Variants in LRRC49 observed in about 807,000 individuals in gnomAD.
LRRC49 encodes leucine rich repeat containing 49.
LRRC49 carries 50 observed loss-of-function variants against 83.3 expected under a neutral mutation model. The ratio of observed to expected loss-of-function variants is 0.60; its 90% CI spans 0.48 to 0.76. The LOEUF (loss-of-function observed/expected upper bound fraction) is 0.76. LRRC49 is among the 30% of genes least tolerant of loss of function. The pLI is 0.00. For synonymous variants in LRRC49, 286 were observed against 283.3 expected, an observed-to-expected ratio of 1.01 and a Z score of -0.10; for missense variants, 704 against 809.1, an observed-to-expected ratio of 0.87 and a Z score of 1.58.
chr15:71,038,896 A>G (rs1307241531), intron 15 of LRRC49, among the ~76,000 whole-genome samples: 1 of 152,182 alleles, frequency 6.6e-6, no homozygotes, highest in East Asian at 1.9e-4. Context: ...GTCATACACA[A>G]CACACTGTGT....
chr15:70,963,197 G>A (rs1005976569), intron 8 of LRRC49, among the ~76,000 whole-genome samples: 1 of 148,594 alleles, frequency 6.7e-6, no homozygotes, highest in Non-Finnish European at 1.5e-5. Context: ...GATTGCTCGA[G>A]CCCAAGAGTT....
chr15:70,985,499 G>C (rs935585337), intron 11 of LRRC49, among the ~76,000 whole-genome samples: 13 of 152,064 alleles, frequency 8.5e-5, no homozygotes, highest in African/African-American at 2.9e-4. Context: ...TTGTAAATGT[G>C]TTTGAGTTCA....
chr15:70,946,427 C>T (rs1479187734), intron 8 of LRRC49, among the ~76,000 whole-genome samples: 1 of 152,106 alleles, frequency 6.6e-6, no homozygotes, highest in African/African-American at 2.4e-5. Context: ...GGATTTACTT[C>T]TGTTTGAGGC....
chr15:70,964,004 T>G, intron 9 of LRRC49, 72 bp downstream of exon 9: 1 of 1,444,320 alleles, frequency 6.9e-7, no homozygotes, highest in Non-Finnish European at 9.4e-7. Context: ...ATGCATATTC[T>G]TTGCTTGAAA....
intron 15 of LRRC49, among the ~76,000 whole-genome samples, chr15:71,043,466 G>A (rs1415693305): frequency 6.6e-6 from 1 of 152,172 alleles, no homozygotes; most frequent in Non-Finnish European, 1.5e-5. Context: ...GAAAGCATTT[G>A]GGAATGGAAA....
intron 8 of LRRC49, among the ~76,000 whole-genome samples, chr15:70,946,484 A>G (rs73447511): frequency 0.012 from 1,792 of 152,148 alleles, 44 homozygotes; most frequent in African/African-American, 0.041. Context: ...TTCTTTATCC[A>G]TTCATTATTT....
At chr15:70,869,877 T>C (rs1421980206) in intron 1 of LRRC49, among the ~76,000 whole-genome samples, 1 of 152,230 alleles carries the variant, frequency 6.6e-6, no homozygotes, top group Non-Finnish European at 1.5e-5. Flanking sequence ...GTTTGCTTTT[T>C]TAAAATCAGC....
In LRRC49 at chr15:70,875,807, G is replaced by A. The variant is rs539410271; in HGVS notation, c.18+2584G>A. Among the ~76,000 whole-genome samples, 5 of 152,326 alleles carry A rather than the reference G, an allele frequency of 3.3e-5. No homozygotes were observed. In the East Asian group the frequency reaches 9.6e-4, roughly 29 times the overall value. ...TCTTGGAGCCTAGATTGGAACTTCG[G>A]TATTCAGCCAGGGTGAAAGAAGCAT... On this transcript the variant is annotated intron_variant, in intron 2 of 16. Transcript: ENST00000544974.
intron 1 of LRRC49, chr15:70,858,807 G>T: frequency 1.2e-6 from 1 of 823,506 alleles, no homozygotes; most frequent in African/African-American, 1.7e-5. Flanking sequence ...CCCAGTGCCC[G>T]CATCAGCACC....
At chr15:70,901,370 A>C (rs1299261532) in intron 4 of LRRC49, among the ~76,000 whole-genome samples, 2 of 152,080 alleles carry the variant, frequency 1.3e-5, no homozygotes, top group East Asian at 1.9e-4. Context: ...CTGTTACTTC[A>C]CTGGCTTCAT....
intron 5 of LRRC49, among the ~76,000 whole-genome samples, chr15:70,905,429 C>T (rs1280224055): frequency 1.3e-5 from 2 of 152,176 alleles, no homozygotes; most frequent in African/African-American, 2.4e-5. Context: ...TTCTCCTCCT[C>T]CATCTTTCCC....
At chr15:70,854,151 A>AGCGACT (rs2032582978) in intron 1 of LRRC49, 1 of 1,164,288 alleles carries the variant, frequency 8.6e-7, no homozygotes, top group African/African-American at 1.6e-5. Flanking sequence ...GCCGGTCGGC[A>AGCGACT]GCGACTGCGA....
At chr15:71,001,463 T>A (rs1201308354) in intron 11 of LRRC49, among the ~76,000 whole-genome samples, 1 of 152,154 alleles carries the variant, frequency 6.6e-6, no homozygotes, top group African/African-American at 2.4e-5. Flanking sequence ...GCTGCCATCT[T>A]TTTCTTATTT....
intron 1 of LRRC49, among the ~76,000 whole-genome samples, chr15:70,871,025 A>G (rs1157260016): frequency 2.0e-5 from 3 of 148,962 alleles, no homozygotes; most frequent in African/African-American, 7.5e-5. Flanking sequence ...GGGTCATAGG[A>G]CAATAGTGGA....
At chr15:70,921,854 T>C (rs1431888462) in intron 7 of LRRC49, among the ~76,000 whole-genome samples, 1 of 152,198 alleles carries the variant, frequency 6.6e-6, no homozygotes, top group East Asian at 1.9e-4. Flanking sequence ...CTACTTACCG[T>C]CTTGAACAGA....
chr15:71,039,252 A>G (rs1012403928), intron 15 of LRRC49, among the ~76,000 whole-genome samples: 1 of 152,166 alleles, frequency 6.6e-6, no homozygotes, highest in African/African-American at 2.4e-5. Flanking sequence ...AGATGAGACC[A>G]GAAAGATAGT....
chr15:70,963,707 T>C, intron 8 of LRRC49, 78 bp from the exon 9 acceptor site: 1 of 1,478,550 alleles, frequency 6.8e-7, no homozygotes, highest in Non-Finnish European at 9.2e-7. Flanking sequence ...AAAACTGTGC[T>C]AAAAATAAAG....
At chr15:71,032,068 A>G (rs1013997035) in intron 14 of LRRC49, among the ~76,000 whole-genome samples, 8 of 152,106 alleles carry the variant, frequency 5.3e-5, no homozygotes, top group Admixed American at 1.3e-4. Flanking sequence ...AGCTAGTTCA[A>G]TGTCTTCCCA....
In LRRC49 at chr15:70,895,903, C is replaced by T. The variant is rs983702304; in HGVS notation, c.160C>T (p.His54Tyr). The stretch of plus-strand genomic sequence containing the variant: ...GTCATTCCCCGGTAGACTTTTACAA[C>T]ATGACCTTGAAAGAAACTACTCAAG... Reference protein sequence around the residue: ...TSSFPGRLLQHDLERNYSSRQ... With the variant: ...TSSFPGRLLQYDLERNYSSRQ... The change falls in exon 3 of 16, where the codon CAT (histidine) becomes TAT (tyrosine). Residue 54 changes from histidine (H) to tyrosine (Y), a missense_variant. His to Tyr is a moderately conservative substitution (Grantham distance 83, BLOSUM62 2). This residue lies in a region of LRRC49 where 261 missense variants were observed against 330.5 expected (regional missense o/e 0.79). Coordinates refer to ENST00000260382, the MANE Select transcript of LRRC49 (RefSeq NM_017691.5). The T allele has an allele frequency of 2.5e-6, 4 of 1,610,932 alleles. No homozygotes were observed. The highest frequency in any genetic ancestry group is 3.4e-6 in the Non-Finnish European group (4 of 1,178,262).
Sources: allele counts gnomAD v4.1 joint callset (sites outside exome capture counted in the v4.1 genomes callset), GRCh38; gene constraint gnomAD v4.1.1; regional missense constraint gnomAD v4.1.1; transcripts MANE v1.5; gene names NCBI Gene and HGNC (gene_info 2026-07-23, HGNC 2026-07-21).